Variants in PCDHGA3 observed in about 807,000 individuals in gnomAD.
PCDHGA3 encodes the protein protocadherin gamma subfamily A, 3, also known as protocadherin gamma-A3.
PCDHGA3 carries 40 observed loss-of-function variants against 58.5 expected under a neutral mutation model. That is an observed-to-expected ratio of 0.68 (90% CI 0.53 to 0.89). PCDHGA3 has a LOEUF of 0.89. Among genes scored for constraint, PCDHGA3 ranks in the 40% least tolerant of loss-of-function variants. PCDHGA3 has a pLI of 0.00. For synonymous variants in PCDHGA3, 530 were observed against 525.7 expected (o/e 1.01, Z -0.11); for missense variants, 1,223 against 1,195.9 (o/e 1.02, Z -0.33).
rs370603640 is a variant in PCDHGA3, at chr5:141,365,604, T to A, written c.2424+19147T>A. Reference sequence around the variant, plus strand: ...GATTATAATATCACTTTAACCGTCATGGACCATGGAACCCCGCCCCTCTCT... The same window carrying A: ...GATTATAATATCACTTTAACCGTCAAGGACCATGGAACCCCGCCCCTCTCT... On this transcript the variant is annotated intron_variant, in intron 1 of 3. Coordinates refer to ENST00000253812, the MANE Select transcript of PCDHGA3 (RefSeq NM_018916.4). 2.5e-6 allele frequency: 4 copies of A among 1,613,672 alleles called. No individual in the cohort carries two copies. The South Asian group carries it at 4.4e-5, about 18-fold the overall frequency.
intron 1 of PCDHGA3, chr5:141,423,971 G>T: frequency 8.8e-7 from 1 of 1,136,014 alleles, no homozygotes; most frequent in Non-Finnish European, 1.1e-6. Context: ...TCTATTATCA[G>T]TGTATGAGGC....
At chr5:141,377,786 A>G (rs1774350895) in intron 1 of PCDHGA3, 1 of 152,178 alleles carries the variant, frequency 6.6e-6, no homozygotes, top group African/African-American at 2.4e-5. Flanking sequence ...GACCTGAATA[A>G]CATTCCTGTA....
intron 1 of PCDHGA3, among the ~76,000 whole-genome samples, chr5:141,484,389 G>A (rs1336850919): frequency 6.6e-6 from 1 of 152,140 alleles, no homozygotes; most frequent in Non-Finnish European, 1.5e-5. Flanking sequence ...GAATAAGAAA[G>A]GTTTGGTTTC....
intron 1 of PCDHGA3, among the ~76,000 whole-genome samples, chr5:141,358,088 G>C (rs1349368528): frequency 6.6e-6 from 1 of 152,206 alleles, no homozygotes; most frequent in African/African-American, 2.4e-5. Flanking sequence ...TACCCTGGAG[G>C]CTGAGGCATG....
chr5:141,414,537 T>C (rs2095757230), intron 1 of PCDHGA3: 1 of 1,613,978 alleles, frequency 6.2e-7, no homozygotes, highest in Non-Finnish European at 8.5e-7. Flanking sequence ...ACAACCCACC[T>C]ACCTTCTCTC....
intron 1 of PCDHGA3, chr5:141,403,207 C>G: frequency 6.2e-7 from 1 of 1,613,966 alleles, no homozygotes. Context: ...GCACCTTGGT[C>G]ACCGCGGGTA....
intron 1 of PCDHGA3, among the ~76,000 whole-genome samples, chr5:141,481,994 A>AG (rs2099550091): frequency 1.3e-5 from 2 of 151,258 alleles, no homozygotes; most frequent in African/African-American, 4.9e-5. Context: ...TTGAAGCAGG[A>AG]GAATCGCTTT....
chr5:141,463,466 T>G (rs1400160593), intron 1 of PCDHGA3, among the ~76,000 whole-genome samples: 2 of 142,982 alleles, frequency 1.4e-5, no homozygotes, highest in African/African-American at 5.2e-5. Context: ...TTTTTTTTTT[T>G]GAGATGGAGT....
chr5:141,408,390 C>T (rs375719639), intron 1 of PCDHGA3: 1 of 1,613,902 alleles, frequency 6.2e-7, no homozygotes, highest in East Asian at 2.2e-5. Context: ...GATGTGTCGG[C>T]TCGCAAGCTG....
At chr5:141,420,692 A>G (rs2096518268) in intron 1 of PCDHGA3, among the ~76,000 whole-genome samples, 1 of 152,228 alleles carries the variant, frequency 6.6e-6, no homozygotes, top group Admixed American at 6.5e-5. Context: ...GGACCGTATT[A>G]TTTCCACTTC....
intron 1 of PCDHGA3, chr5:141,389,146 C>A (rs567517174): frequency 3.7e-6 from 6 of 1,614,000 alleles, no homozygotes; most frequent in South Asian, 3.3e-5. Flanking sequence ...ATAACCGTTA[C>A]GGCAACAGAT....
intron 1 of PCDHGA3, chr5:141,423,851 C>A (rs1311833319): frequency 2.4e-6 from 3 of 1,275,940 alleles, no homozygotes; most frequent in East Asian, 3.1e-5. Context: ...TCTTTCAGAA[C>A]GTTTTTGTGA....
chr5:141,382,463 A>T (rs1010194037), intron 1 of PCDHGA3, among the ~76,000 whole-genome samples: 1 of 152,216 alleles, frequency 6.6e-6, no homozygotes, highest in African/African-American at 2.4e-5. Context: ...GCAGTTTTTT[A>T]AAAATTATCT....
chr5:141,490,317 C>A lies in PCDHGA3; in HGVS notation c.2425-4490C>A, dbSNP rs2233604. ...TATTGGCCTCTTTGGCCAACCCTGT[C>A]CTAGAGAGCACACCAGTGGGCACAG... On this transcript the variant is annotated intron_variant, in intron 1 of 3. Coordinates refer to ENST00000253812, the MANE Select transcript of PCDHGA3 (RefSeq NM_018916.4). The surrounding 1 kb of genome is among the most constrained non-coding windows in gnomAD (Gnocchi z 5.4). 32,069 of 1,614,158 alleles carry A rather than the reference C, an allele frequency of 0.02. 521 individuals carry two copies. Among genetic ancestry groups the A allele is most frequent in the African/African-American group, 0.081 (6,098 of 75,022 alleles).
chr5:141,469,404 G>A (rs1439441297), intron 1 of PCDHGA3, among the ~76,000 whole-genome samples: 7 of 151,874 alleles, frequency 4.6e-5, no homozygotes, highest in African/African-American at 1.5e-4. Flanking sequence ...GTGAAACCCC[G>A]TTTCTACTAA....
chr5:141,423,157 G>A (rs527921011), intron 1 of PCDHGA3: 1 of 1,610,820 alleles, frequency 6.2e-7, no homozygotes, highest in Non-Finnish European at 8.5e-7. Flanking sequence ...GCAGAGCCTC[G>A]TGGTGGCCGT....
chr5:141,448,788 A>C (rs865953914), intron 1 of PCDHGA3, among the ~76,000 whole-genome samples: 3 of 151,964 alleles, frequency 2.0e-5, no homozygotes, highest in South Asian at 2.1e-4. Flanking sequence ...AAAATACAAA[A>C]AAAAAAATTA....
Position 141,432,812 on chromosome 5 carries a change from G to A in PCDHGA3, c.2425-61995G>A, listed in dbSNP as rs753429933. ...CAGCCTCGAGTCTCCAGCTAACTCT[G>A]AAACCTCAGACCTCACTCTGTACCT... On this transcript the variant is annotated intron_variant, in intron 1 of 3. Coordinates refer to ENST00000253812, the MANE Select transcript of PCDHGA3 (RefSeq NM_018916.4). This position sits in a 1 kb window ranked among gnomAD's most constrained non-coding sequence, Gnocchi z 6.0. 1.2e-6 allele frequency: 2 copies of A among 1,614,176 alleles called. No homozygotes were observed. Among genetic ancestry groups the A allele is most frequent in the Non-Finnish European group, 1.7e-6 (2 of 1,180,014 alleles).
chr5:141,417,627 G>C, intron 1 of PCDHGA3: 1 of 694,264 alleles, frequency 1.4e-6, no homozygotes, highest in Non-Finnish European at 2.3e-6. Flanking sequence ...AGCAAGCGCT[G>C]ACGCCGGGGA....
Sources: allele counts gnomAD v4.1 joint callset (sites outside exome capture counted in the v4.1 genomes callset), GRCh38; gene constraint gnomAD v4.1.1; non-coding constraint Gnocchi (gnomAD v3.1); transcripts MANE v1.5; gene names NCBI Gene and HGNC (gene_info 2026-07-23, HGNC 2026-07-21).